Variants in TMEM260 observed in about 807,000 individuals in gnomAD.
TMEM260 encodes protein O-mannosyl-transferase TMEM260.
Under a neutral mutation model 88.9 loss-of-function variants are expected in TMEM260, and 82 were observed. The observed-to-expected ratio is 0.92, with a 90% confidence interval of 0.77 to 1.11. The LOEUF is 1.11. Ranked by LOEUF, TMEM260 falls within the 50% of genes least tolerant of loss-of-function variation. The pLI is 0.00. For missense variants in TMEM260, 902 were observed against 853.4 expected, an observed-to-expected ratio of 1.06 and a Z score of -0.71; for synonymous variants, 314 against 309.3, an observed-to-expected ratio of 1.02 and a Z score of -0.16.
Position 56,609,168 on chromosome 14 carries a change from T to G in TMEM260, c.699T>G (p.Tyr233Ter). The change falls in exon 6 of 16, where the codon TAT (tyrosine) becomes TAG (stop). Residue 233 changes from tyrosine (Y) to a stop codon, truncating the protein, a stop_gained. Coordinates refer to ENST00000261556, the MANE Select transcript of TMEM260 (RefSeq NM_017799.4). LOFTEE classifies it high-confidence loss of function. ...ACTTCTCTGCTGGTTTGCTGCCCTA[T>G]GTCCACCTTCCCATCTCATCTTACC... is the stretch of plus-strand genomic sequence containing the variant. ...SLYFSAGLLP[Y>*]VHLPISSYLN... The G allele has an allele frequency of 1.9e-6, 3 of 1,614,204 alleles. No individual in the cohort carries two copies. Among genetic ancestry groups the G allele is most frequent in the Non-Finnish European group, 2.5e-6 (3 of 1,180,036 alleles).
chr14:56,594,130 A>T (rs1468461013), intron 3 of TMEM260, among the ~76,000 whole-genome samples: 3 of 152,220 alleles, frequency 2.0e-5, no homozygotes, highest in Non-Finnish European at 4.4e-5. Flanking sequence ...TATGTATTTC[A>T]TTTGAAGGAA....
intron 12 of TMEM260, among the ~76,000 whole-genome samples, chr14:56,626,780 G>A (rs1036518115): frequency 2.0e-5 from 3 of 152,208 alleles, no homozygotes; most frequent in South Asian, 2.1e-4. Context: ...TGGAAGTATC[G>A]TATGCTCTTT....
At chr14:56,600,355 G>A (rs1402222744) in intron 3 of TMEM260, among the ~76,000 whole-genome samples, 1 of 152,110 alleles carries the variant, frequency 6.6e-6, no homozygotes, top group African/African-American at 2.4e-5. Context: ...ATAATGAGAA[G>A]TATAATAAAG....
chr14:56,650,476 T>G (rs1890185042), downstream of TMEM260: 1 of 154,964 alleles, frequency 6.5e-6, no homozygotes, highest in Non-Finnish European at 1.4e-5. Context: ...CTTGCCTTTT[T>G]TTGTTGTTTT....
At chr14:56,658,816 C>T in the TMEM260 span, among the ~76,000 whole-genome samples, 8 of 152,032 alleles carry the variant, frequency 5.3e-5, no homozygotes, top group East Asian at 1.9e-4. Flanking sequence ...CCGCAACCTC[C>T]GCCTCCCAGG....
Position 56,621,611 on chromosome 14 carries a change from T to C in TMEM260, c.1307T>C (p.Ile436Thr). The C allele has an allele frequency of 1.9e-6, 3 of 1,613,712 alleles. No homozygotes were observed. Among genetic ancestry groups the C allele is most frequent in the South Asian group, 2.2e-5 (2 of 90,986 alleles). The change falls in exon 11 of 16, where the codon ATC becomes ACC. Residue 436 changes from isoleucine (I) to threonine (T), a missense_variant. Transcript: ENST00000261556. ...LLTSMPHDAI[I>T]LLRGDLPGNS... ...ACCTCTATGCCTCATGATGCAATTA[T>C]CTTACTCAGAGGAGATTTGCCAGGA...
downstream of TMEM260, among the ~76,000 whole-genome samples, chr14:56,651,315 G>A (rs1890202246): frequency 6.8e-6 from 1 of 147,224 alleles, no homozygotes; most frequent in African/African-American, 2.6e-5. Flanking sequence ...CCTGAAAAAG[G>A]GGTTTTTCAG....
the TMEM260 span, among the ~76,000 whole-genome samples, chr14:56,656,197 G>T: frequency 6.6e-6 from 1 of 152,098 alleles, no homozygotes; most frequent in Non-Finnish European, 1.5e-5. Flanking sequence ...TGGAAGGATC[G>T]CTTGAGGCCA....
chr14:56,617,544 A>G (rs1259466014), intron 9 of TMEM260, among the ~76,000 whole-genome samples: 2 of 152,304 alleles, frequency 1.3e-5, no homozygotes, highest in South Asian at 2.1e-4. Flanking sequence ...AAGTCATTGT[A>G]TGTGTGTGTG....
At position 56,633,154 on chromosome 14, in the gene TMEM260, G is replaced by T; in HGVS notation, c.1707G>T (p.Trp569Cys). The change falls in exon 13 of 16, where the codon TGG becomes TGT. Residue 569 changes from tryptophan to cysteine, a missense_variant. Physicochemically the swap from Trp to Cys is radical, Grantham distance 215. Coordinates refer to ENST00000261556, the MANE Select transcript of TMEM260 (RefSeq NM_017799.4). ...WIKLTKSIYN[W>C]TEEYGRFDPS... ...AACTTACAAAAAGTATCTATAACTGGACCGAAGAATATGGAAGGTATGAAC... is the reference window on the plus strand; with the variant it reads ...AACTTACAAAAAGTATCTATAACTGTACCGAAGAATATGGAAGGTATGAAC... The T allele has an allele frequency of 1.2e-6, 2 of 1,612,074 alleles. No homozygotes were observed. Among genetic ancestry groups the T allele is most frequent in the Non-Finnish European group, 1.7e-6 (2 of 1,179,130 alleles).
chr14:56,642,628 A>C (rs1280494280), intron 15 of TMEM260, among the ~76,000 whole-genome samples: 1 of 152,272 alleles, frequency 6.6e-6, no homozygotes, highest in Non-Finnish European at 1.5e-5. Context: ...CACATTCAAA[A>C]GCTAGCAGAA....
At chr14:56,645,298 G>A (rs1210875970) in intron 15 of TMEM260, among the ~76,000 whole-genome samples, 5 of 151,654 alleles carry the variant, frequency 3.3e-5, no homozygotes, top group African/African-American at 7.3e-5. Context: ...ATACACCATG[G>A]AATACTATGC....
chr14:56,651,071 A>G (rs756718466), downstream of TMEM260, among the ~76,000 whole-genome samples: 3 of 152,220 alleles, frequency 2.0e-5, no homozygotes, highest in Non-Finnish European at 4.4e-5. Context: ...TCACAAACAA[A>G]TAAGTAATGT....
chr14:56,585,712 C>A, intron 2 of TMEM260, 49 bp from the exon 3 acceptor site: 1 of 1,584,382 alleles, frequency 6.3e-7, no homozygotes, highest in Non-Finnish European at 8.6e-7. Flanking sequence ...CTGTGGGACT[C>A]TTCCTTTCCT....
At position 56,629,549 on chromosome 14, in the gene TMEM260, C is replaced by T. The variant is rs141233554; in HGVS notation, c.1548-3446C>T. 7.2e-3 allele frequency among the ~76,000 whole-genome samples: 1,094 copies of T among 151,284 alleles called. 11 individuals carry two copies. Among genetic ancestry groups the T allele is most frequent in the Middle Eastern group, 0.024 (7 of 292 alleles). ...TTGTTCTTTCTTCAATCCTGATATT[C>T]CACATTTTCCTCTTGTATGATTTCC... On this transcript the variant is annotated intron_variant, in intron 12 of 15. Transcript: ENST00000261556.
At chr14:56,625,264 A>G in intron 11 of TMEM260, 118 bp from the exon 12 acceptor site, 1 of 944,784 alleles carries the variant, frequency 1.1e-6, no homozygotes. Flanking sequence ...ATATTTTTCA[A>G]TTATATATAT....
intron 5 of TMEM260, among the ~76,000 whole-genome samples, chr14:56,608,040 GTTAGA>G (rs1189361461): frequency 6.6e-6 from 1 of 152,136 alleles, no homozygotes; most frequent in Non-Finnish European, 1.5e-5. Flanking sequence ...AAGGCATGTT[GTTAGA>G]TTAGTTATTT....
At chr14:56,616,120 ATTTT>A in intron 8 of TMEM260, 93 bp downstream of exon 8, 1 of 859,116 alleles carries the variant, frequency 1.2e-6, no homozygotes, top group Non-Finnish European at 1.9e-6. Context: ...TGCCAGTATT[ATTTT>A]ATACTCCAAA....
chr14:56,603,282 G>A (rs1040965797), intron 3 of TMEM260, among the ~76,000 whole-genome samples: 4 of 152,040 alleles, frequency 2.6e-5, no homozygotes, highest in Non-Finnish European at 5.9e-5. Context: ...AGTAAGAAAT[G>A]CACTGTATAA....
Sources: gnomAD v4.1 joint callset for allele counts (sites outside exome capture counted in the v4.1 genomes callset) on GRCh38, gnomAD v4.1.1 for gene constraint, MANE v1.5 for transcripts, NCBI Gene and HGNC (gene_info 2026-07-23, HGNC 2026-07-21) for gene names.